CACNB4: variants seen among roughly 807,000 people sequenced by gnomAD.
CACNB4 encodes the protein calcium voltage-gated channel auxiliary subunit beta 4.
Under a neutral mutation model 71.2 loss-of-function variants are expected in CACNB4, and 32 were observed. That is an observed-to-expected ratio of 0.45 (90% CI 0.34 to 0.60). The LOEUF (loss-of-function observed/expected upper bound fraction) is 0.60. Among genes scored for constraint, CACNB4 ranks in the 20% least tolerant of loss-of-function variants. The probability of loss-of-function intolerance (pLI) is 0.01; values close to 1 mark genes in which losing one functional copy is unlikely to be tolerated. For synonymous variants in CACNB4, 231 were observed against 236.9 expected, an observed-to-expected ratio of 0.97 and a Z score of 0.23; for missense variants, 464 against 647.9, an observed-to-expected ratio of 0.72 and a Z score of 3.08.
chr2:151,968,469 A>T (rs533886913), intron 2 of CACNB4: 1 of 152,332 alleles, frequency 6.6e-6, no homozygotes, highest in Admixed American at 6.5e-5. Flanking sequence ...AGAATGAACG[A>T]TGATAACCAG....
chr2:152,062,435 T>C (rs79162987), intron 2 of CACNB4, among the ~76,000 whole-genome samples: 2,572 of 152,298 alleles, frequency 0.017, 76 homozygotes, highest in African/African-American at 0.059. Flanking sequence ...ATGTACTGTG[T>C]CAGTTGCATA....
At position 152,098,752 on chromosome 2, in the gene CACNB4, G is replaced by A; in HGVS notation, c.63+197C>T. 4 of 1,476,514 alleles carry A rather than the reference G, an allele frequency of 2.7e-6. No individual in the cohort carries two copies. In the East Asian group the frequency reaches 9.9e-5, roughly 37 times the overall value. The allele number at this position is 1,476,514 out of a possible 1,614,324, so 91.5% of individuals were successfully genotyped here. A position where few individuals can be genotyped will look rare whatever the true frequency, so the allele number is the denominator to read the frequency against. ...CAGAGACCCGAAGGAGGGTGAGGAG[G>A]AGGAGGAAGAGAAGGAGGAGAAAGA... On this transcript the variant is annotated intron_variant, in intron 1 of 13. Transcript: ENST00000539935. This position sits in a 1 kb window ranked among gnomAD's most constrained non-coding sequence, Gnocchi z 5.3.
At chr2:151,878,204 G>GTGTA (rs139494633) in intron 4 of CACNB4, among the ~76,000 whole-genome samples, 5 of 149,834 alleles carry the variant, frequency 3.3e-5, no homozygotes, top group East Asian at 3.9e-4. Context: ...GTCTGTGTGT[G>GTGTA]TATATATATA....
At chr2:151,917,656 G>A (rs192991250) in intron 2 of CACNB4, among the ~76,000 whole-genome samples, 61 of 152,088 alleles carry the variant, frequency 4.0e-4, no homozygotes, top group African/African-American at 1.4e-3. Context: ...GGCCAACATG[G>A]TGAAACCCCA....
chr2:151,858,458 A>G (rs2099840823), intron 10 of CACNB4: 1 of 152,238 alleles, frequency 6.6e-6, no homozygotes, highest in Non-Finnish European at 1.5e-5. Flanking sequence ...ATTGAATACT[A>G]TAATAGCTTC....
At chr2:152,050,157 ATAG>A (rs1284356953) in intron 2 of CACNB4, among the ~76,000 whole-genome samples, 2 of 152,248 alleles carry the variant, frequency 1.3e-5, no homozygotes, top group African/African-American at 4.8e-5. Flanking sequence ...CCAAAGTGAC[ATAG>A]TGTGCTGGGC....
intron 3 of CACNB4, 54 bp downstream of exon 3, chr2:151,883,197 G>C: frequency 6.3e-7 from 1 of 1,585,752 alleles, no homozygotes. Context: ...AGAGCAGCTG[G>C]TAGCCACTGA....
chr2:151,944,027 C>CTTT (rs377579759), intron 2 of CACNB4, among the ~76,000 whole-genome samples: 6 of 134,886 alleles, frequency 4.4e-5, no homozygotes, highest in Non-Finnish European at 6.3e-5. Context: ...TACTTTCTTT[C>CTTT]TTTTTTTTTT....
intron 2 of CACNB4, among the ~76,000 whole-genome samples, chr2:151,891,024 C>T (rs1267000490): frequency 2.6e-5 from 4 of 152,098 alleles, no homozygotes; most frequent in African/African-American, 4.8e-5. Flanking sequence ...TATAAATATA[C>T]AGTATAGTTC....
At chr2:151,857,895 T>C (rs1207997001) in intron 10 of CACNB4, 4 of 152,166 alleles carry the variant, frequency 2.6e-5, no homozygotes, top group Non-Finnish European at 4.4e-5. Flanking sequence ...CACAAAACTC[T>C]TAGGCAACAG....
intron 9 of CACNB4, among the ~76,000 whole-genome samples, chr2:151,864,270 G>A (rs565719332): frequency 3.9e-5 from 6 of 152,244 alleles, no homozygotes; most frequent in South Asian, 2.1e-4. Context: ...ATGTAGCAGC[G>A]AATGTTCCTG....
At chr2:152,039,623 T>C (rs1455460748) in intron 2 of CACNB4, among the ~76,000 whole-genome samples, 1 of 152,236 alleles carries the variant, frequency 6.6e-6, no homozygotes, top group East Asian at 1.9e-4. Context: ...CCTTGTTATA[T>C]GCTCTATGTC....
chr2:151,987,033 A>C (rs191681193), intron 2 of CACNB4, among the ~76,000 whole-genome samples: 1 of 152,346 alleles, frequency 6.6e-6, no homozygotes, highest in East Asian at 1.9e-4. Flanking sequence ...CTGTTGGGTC[A>C]AATGCAAAGA....
intron 2 of CACNB4, among the ~76,000 whole-genome samples, chr2:152,079,722 G>T (rs1687248113): frequency 6.6e-6 from 1 of 152,140 alleles, no homozygotes; most frequent in African/African-American, 2.4e-5. Context: ...GGAGGTTAAG[G>T]CCGCAATGGG....
intron 2 of CACNB4, among the ~76,000 whole-genome samples, chr2:151,924,789 A>G (rs546753841): frequency 6.6e-6 from 1 of 152,346 alleles, no homozygotes; most frequent in East Asian, 1.9e-4. Flanking sequence ...TTTATAACAC[A>G]TATGATATCT....
chr2:151,950,334 G>A (rs1010524375), intron 2 of CACNB4, among the ~76,000 whole-genome samples: 2 of 152,166 alleles, frequency 1.3e-5, no homozygotes, highest in Non-Finnish European at 1.5e-5. Flanking sequence ...GTCCTTTCCT[G>A]ACTTCATTGA....
intron 2 of CACNB4, among the ~76,000 whole-genome samples, chr2:151,921,671 C>T (rs6721495): frequency 0.23 from 34,434 of 152,030 alleles, 4,161 homozygotes; most frequent in Middle Eastern, 0.42. Flanking sequence ...GCTCTGTTTC[C>T]CTACCCAAAT....
intron 2 of CACNB4, among the ~76,000 whole-genome samples, chr2:151,934,476 G>C (rs1014534913): frequency 6.6e-6 from 1 of 152,310 alleles, no homozygotes; most frequent in African/African-American, 2.4e-5. Flanking sequence ...CTTTACAAAG[G>C]TTCAAAGACA....
chr2:152,021,656 G>A lies in CACNB4; in HGVS notation c.147+76674C>T, dbSNP rs538810406. Among the ~76,000 whole-genome samples, 11 of 152,142 alleles carry A rather than the reference G, an allele frequency of 7.2e-5. No homozygotes were observed. The East Asian group carries it at 1.3e-3, about 19-fold the overall frequency. On this transcript the variant is annotated intron_variant, in intron 2 of 13. Transcript: ENST00000539935. ...ATGTCTCTTTTTCCCCTTCTCATACGTATGTAAATCAATGATGCTTTATCA... is the reference window on the plus strand; with the variant it reads ...ATGTCTCTTTTTCCCCTTCTCATACATATGTAAATCAATGATGCTTTATCA...
Sources: allele counts gnomAD v4.1 joint callset (sites outside exome capture counted in the v4.1 genomes callset), GRCh38; gene constraint gnomAD v4.1.1; non-coding constraint Gnocchi (gnomAD v3.1); transcripts MANE v1.5; gene names NCBI Gene and HGNC (gene_info 2026-07-23, HGNC 2026-07-21).